Variants in NCKAP1 observed in about 807,000 individuals in gnomAD.
NCKAP1 encodes the protein nck-associated protein 1.
Under a neutral mutation model 151.2 loss-of-function variants are expected in NCKAP1, and 21 were observed. That is an observed-to-expected ratio of 0.14 (90% CI 0.10 to 0.20). The LOEUF (loss-of-function observed/expected upper bound fraction) is 0.20, where lower values mean the gene tolerates loss of function less well. Among genes scored for constraint, NCKAP1 ranks in the 10% least tolerant of loss-of-function variants. The pLI, the probability that NCKAP1 is intolerant of heterozygous loss-of-function variation, is 1.00. For missense variants in NCKAP1, 933 were observed against 1,352.1 expected (o/e 0.69, Z 4.86); for synonymous variants, 484 against 451.8 (o/e 1.07, Z -0.90).
At chr2:182,933,851 T>G (rs1395050323) in intron 26 of NCKAP1, among the ~76,000 whole-genome samples, 1 of 152,120 alleles carries the variant, frequency 6.6e-6, no homozygotes, top group Non-Finnish European at 1.5e-5. Context: ...AAAACACAAA[T>G]GTAAACCCCG....
At chr2:183,001,418 A>G (rs187148935) in intron 6 of NCKAP1, among the ~76,000 whole-genome samples, 1 of 152,352 alleles carries the variant, frequency 6.6e-6, no homozygotes, top group African/African-American at 2.4e-5. Flanking sequence ...AATATCTCTT[A>G]AAAGATAGTC....
intron 1 of NCKAP1, among the ~76,000 whole-genome samples, chr2:183,027,278 A>G (rs1181802663): frequency 6.6e-6 from 1 of 152,236 alleles, no homozygotes; most frequent in Non-Finnish European, 1.5e-5. Context: ...TCACTACATG[A>G]AAGTGTTACC....
rs1256094192 is a variant in NCKAP1 at position 182,911,670 on chromosome 2, G to T, written c.*14032C>A. 1 of 151,308 alleles carries T rather than the reference G, an allele frequency of 6.6e-6. No individual in the cohort carries two copies. The highest frequency in any genetic ancestry group is 1.5e-5 in the Non-Finnish European group (1 of 67,858). 9.4% of individuals were successfully genotyped at this position (151,308 alleles called of 1,614,324 possible). ...TGCTATATCCTTTTTTTTCTCCCAAGCTGTTTGAGCTTTTATGTTAACACC... is the reference window on the plus strand; with the variant it reads ...TGCTATATCCTTTTTTTTCTCCCAATCTGTTTGAGCTTTTATGTTAACACC... On this transcript the variant is annotated 3_prime_UTR_variant, in exon 31 of 31. Coordinates refer to ENST00000361354, the MANE Select transcript of NCKAP1 (RefSeq NM_013436.5).
At chr2:183,025,114 T>C in intron 1 of NCKAP1, 1 of 864,426 alleles carries the variant, frequency 1.2e-6, no homozygotes, top group South Asian at 1.6e-5. Flanking sequence ...AGAACAAGAT[T>C]AGAATTATAT....
In NCKAP1 at chr2:182,925,282, T is replaced by C. The variant is rs1696619325; in HGVS notation, c.*420A>G. On this transcript the variant is annotated 3_prime_UTR_variant, in exon 31 of 31. Transcript: ENST00000361354. ...AATGCACATCCAATGTTGTTTTCAATAAGAACCATAGGTACAGATCAGAAC... is the reference window on the plus strand; with the variant it reads ...AATGCACATCCAATGTTGTTTTCAACAAGAACCATAGGTACAGATCAGAAC... The C allele has an allele frequency of 1.3e-5, 2 of 152,368 alleles. No homozygotes were observed. The highest frequency in any genetic ancestry group is 3.4e-3 in the Middle Eastern group (1 of 294). The allele number at this position is 152,368 out of a possible 1,614,324, so 9.4% of individuals were successfully genotyped here. A position where few individuals can be genotyped will look rare whatever the true frequency, so the allele number is the denominator to read the frequency against.
Position 182,911,951 on chromosome 2 carries a change from C to G in NCKAP1, c.*13751G>C, listed in dbSNP as rs913051589. The G allele has an allele frequency of 1.3e-5, 2 of 152,194 alleles. No individual in the cohort carries two copies. Among genetic ancestry groups the G allele is most frequent in the African/African-American group, 4.8e-5 (2 of 41,458 alleles). The allele number at this position is 152,194 out of a possible 1,614,324, so 9.4% of individuals were successfully genotyped here. ...TTATTCATGCATTTTCCACAATAGA[C>G]ACTTCATGTCTTTGAATTATTTTAG... On this transcript the variant is annotated 3_prime_UTR_variant, in exon 31 of 31. Coordinates refer to ENST00000361354, the MANE Select transcript of NCKAP1 (RefSeq NM_013436.5).
At position 182,952,496 on chromosome 2, in the gene NCKAP1, C is replaced by T; in HGVS notation, c.2510G>A (p.Arg837Lys). The change falls in exon 23 of 31, where the codon AGG (arginine) becomes AAG (lysine). Residue 837 changes from arginine to lysine, a missense_variant. Coordinates refer to ENST00000361354, the MANE Select transcript of NCKAP1 (RefSeq NM_013436.5). Reference sequence around the variant, plus strand: ...TGGGCCTAGTAGTTCTGATAATGACCTCATTTCTGAAAGAAAACATACTTA... The same window carrying T: ...TGGGCCTAGTAGTTCTGATAATGACTTCATTTCTGAAAGAAAACATACTTA... Reference protein sequence around the residue: ...AEEYSDISEMRSLSELLGPYG... With the variant: ...AEEYSDISEMKSLSELLGPYG... The T allele has an allele frequency of 2.5e-6, 4 of 1,591,588 alleles. No individual in the cohort carries two copies. The highest frequency in any genetic ancestry group is 3.4e-6 in the Non-Finnish European group (4 of 1,168,864).
chr2:183,000,844 G>A (rs1304225679), intron 6 of NCKAP1, among the ~76,000 whole-genome samples: 1 of 152,132 alleles, frequency 6.6e-6, no homozygotes, highest in African/African-American at 2.4e-5. Context: ...TGTAATCCTA[G>A]CACTTCGGGA....
chr2:182,986,235 C>A lies in NCKAP1; in HGVS notation c.948-8G>T, dbSNP rs756355571. The A allele has an allele frequency of 3.7e-6, 6 of 1,609,800 alleles. No individual in the cohort carries two copies. Among genetic ancestry groups the A allele is most frequent in the Non-Finnish European group, 5.1e-6 (6 of 1,176,520 alleles). On this transcript the variant is annotated splice_polypyrimidine_tract_variant and splice_region_variant and intron_variant, in intron 9 of 30. Coordinates refer to ENST00000361354, the MANE Select transcript of NCKAP1 (RefSeq NM_013436.5). ...TTAATACGTTTATTATAGCTAGGTG[C>A]AAAAACAAATTAGAACGTTAGTTTA...
intron 1 of NCKAP1, among the ~76,000 whole-genome samples, chr2:183,029,480 T>G (rs1698963816): frequency 6.6e-6 from 1 of 151,902 alleles, no homozygotes; most frequent in South Asian, 2.1e-4. Flanking sequence ...AAATACAGAT[T>G]TTTAAAATTC....
At position 182,916,678 on chromosome 2, in the gene NCKAP1, A is replaced by T. The variant is rs1696473633; in HGVS notation, c.*9024T>A. On this transcript the variant is annotated 3_prime_UTR_variant, in exon 31 of 31. Coordinates refer to ENST00000361354, the MANE Select transcript of NCKAP1 (RefSeq NM_013436.5). Reference sequence around the variant, plus strand: ...CAGAGACAGGGAACAGCATGTGGAAAAGCACAGAAGCTTCCAAGAGCAATT... The same window carrying T: ...CAGAGACAGGGAACAGCATGTGGAATAGCACAGAAGCTTCCAAGAGCAATT... 1 of 152,230 alleles carries T rather than the reference A, an allele frequency of 6.6e-6. No individual in the cohort carries two copies. The highest frequency in any genetic ancestry group is 2.4e-5 in the African/African-American group (1 of 41,460). The allele number at this position is 152,230 out of a possible 1,614,324, so 9.4% of individuals were successfully genotyped here. A position where few individuals can be genotyped will look rare whatever the true frequency, so the allele number is the denominator to read the frequency against.
At chr2:182,976,483 C>T (rs1575042264) in intron 15 of NCKAP1, among the ~76,000 whole-genome samples, 2 of 152,306 alleles carry the variant, frequency 1.3e-5, no homozygotes, top group African/African-American at 4.8e-5. Flanking sequence ...AGAGTGCAAT[C>T]ATGATGACGG....
At chr2:182,991,607 CTTA>C (rs1250208289) in intron 8 of NCKAP1, among the ~76,000 whole-genome samples, 1 of 151,152 alleles carries the variant, frequency 6.6e-6, no homozygotes, top group East Asian at 1.9e-4. Context: ...AGGGGGATGA[CTTA>C]TTAATTAAAC....
intron 2 of NCKAP1, among the ~76,000 whole-genome samples, chr2:183,018,624 T>C (rs1257295206): frequency 6.6e-6 from 1 of 152,230 alleles, no homozygotes; most frequent in Non-Finnish European, 1.5e-5. Flanking sequence ...ATACCATTAA[T>C]AAGATATATC....
At chr2:183,010,484 T>C (rs987914223) in intron 2 of NCKAP1, among the ~76,000 whole-genome samples, 2 of 152,140 alleles carry the variant, frequency 1.3e-5, no homozygotes, top group African/African-American at 4.8e-5. Flanking sequence ...CACAGAATCA[T>C]AAGAAACAAG....
intron 17 of NCKAP1, among the ~76,000 whole-genome samples, chr2:182,962,583 C>G (rs1361059728): frequency 6.6e-6 from 1 of 151,992 alleles, no homozygotes; most frequent in Non-Finnish European, 1.5e-5. Context: ...AGTCCTATAT[C>G]CAGTTCTTAA....
intron 2 of NCKAP1, among the ~76,000 whole-genome samples, chr2:183,009,148 C>T (rs568704122): frequency 9.2e-5 from 14 of 152,088 alleles, no homozygotes; most frequent in East Asian, 1.9e-4. Flanking sequence ...CCGAGGTGGG[C>T]GGATCACCTG....
chr2:182,947,191 G>A (rs1443393962), intron 23 of NCKAP1: 3 of 152,118 alleles, frequency 2.0e-5, no homozygotes, highest in African/African-American at 7.2e-5. Context: ...ACCAACCTAG[G>A]ACCACATTAA....
chr2:183,037,576 TGCCATCTCCGTAA>T (rs1413089030), intron 1 of NCKAP1, among the ~76,000 whole-genome samples: 2 of 152,230 alleles, frequency 1.3e-5, no homozygotes, highest in Admixed American at 1.3e-4. Context: ...TGTTCACTGC[TGCCATCTCCGTAA>T]GAATATGGAA....
Sources: gnomAD v4.1 joint callset for allele counts (sites outside exome capture counted in the v4.1 genomes callset) on GRCh38, gnomAD v4.1.1 for gene constraint, MANE v1.5 for transcripts, NCBI Gene and HGNC (gene_info 2026-07-23, HGNC 2026-07-21) for gene names.